DOP1A: variants seen among roughly 807,000 people sequenced by gnomAD.
DOP1A encodes the protein DOP1 leucine zipper like protein A.
DOP1A carries 90 observed loss-of-function variants against 267.6 expected under a neutral mutation model. The ratio of observed to expected loss-of-function variants is 0.34; its 90% CI spans 0.28 to 0.40. DOP1A has a LOEUF of 0.40. Ranked by LOEUF, DOP1A falls within the 10% of genes least tolerant of loss-of-function variation. DOP1A has a pLI of 1.00. For missense variants in DOP1A, 2,437 were observed against 2,900.4 expected, an observed-to-expected ratio of 0.84 and a Z score of 3.67; for synonymous variants, 932 against 999.1, an observed-to-expected ratio of 0.93 and a Z score of 1.27.
In DOP1A at chr6:83,156,039, A is replaced by G; in HGVS notation, c.6540A>G (p.Arg2180=). ...AACAGAGAGCTATGCTTCTTAAAAGATTAGCATTTGCTATTTTTAGCAGTG... is the reference window on the plus strand; with the variant it reads ...AACAGAGAGCTATGCTTCTTAAAAGGTTAGCATTTGCTATTTTTAGCAGTG... ...ELEQRAMLLK[R]LAFAIFSSEI... Residue 2180 remains arginine, a synonymous_variant, in exon 34 of 39, where the codon AGA becomes AGG. Transcript: ENST00000349129. 12 of 1,613,816 alleles carry G rather than the reference A, an allele frequency of 7.4e-6. No individual in the cohort carries two copies. The highest frequency in any genetic ancestry group is 1.0e-5 in the Non-Finnish European group (12 of 1,179,700).
chr6:83,078,592 A>G (rs986396524), intron 1 of DOP1A, among the ~76,000 whole-genome samples: 5 of 152,236 alleles, frequency 3.3e-5, no homozygotes, highest in Admixed American at 3.3e-4. Flanking sequence ...TGCTGTTGAC[A>G]GTAATGAAGG....
At chr6:83,136,906 T>TA (rs1233787507) in intron 20 of DOP1A, among the ~76,000 whole-genome samples, 1 of 152,062 alleles carries the variant, frequency 6.6e-6, no homozygotes, top group Admixed American at 6.6e-5. Context: ...GTATGCCCCC[T>TA]AAAAAATACA....
intron 38 of DOP1A, among the ~76,000 whole-genome samples, chr6:83,164,408 A>G (rs1301970474): frequency 1.3e-5 from 2 of 151,876 alleles, no homozygotes; most frequent in Non-Finnish European, 2.9e-5. Flanking sequence ...CCAGAAGCAA[A>G]TATGACCCCA....
rs1769104041 is a variant in DOP1A at position 83,085,819 on chromosome 6, TTA to T, written c.-146-10910_-146-10909del. 2.0e-5 allele frequency among the ~76,000 whole-genome samples: 3 copies of T among 150,118 alleles called. No individual in the cohort carries two copies. The South Asian group carries it at 6.2e-4, about 31-fold the overall frequency. ...TTATGTTATGTTATGTTATGTTATG[TTA>T]TGTTATGTTATGTTATTTTGAGACA... is the stretch of plus-strand genomic sequence containing the variant. On this transcript the variant is annotated intron_variant, in intron 1 of 38. Coordinates refer to ENST00000349129, the MANE Select transcript of DOP1A (RefSeq NM_015018.4).
intron 37 of DOP1A, 115 bp from the exon 38 acceptor site, chr6:83,162,675 G>A: frequency 5.0e-6 from 6 of 1,197,126 alleles, no homozygotes; most frequent in Non-Finnish European, 6.8e-6. Context: ...GGCACATCTG[G>A]CATTTGAATT....
chr6:83,164,107 C>T (rs1784869938), intron 38 of DOP1A, among the ~76,000 whole-genome samples: 1 of 146,952 alleles, frequency 6.8e-6, no homozygotes, highest in African/African-American at 2.5e-5. Context: ...ATCTAGTATG[C>T]AGTGTGTGCT....
At chr6:83,068,732 A>G (rs1461472291) in intron 1 of DOP1A, among the ~76,000 whole-genome samples, 1 of 152,244 alleles carries the variant, frequency 6.6e-6, no homozygotes, top group East Asian at 1.9e-4. Flanking sequence ...ACAGTGAATA[A>G]CATACGTCGG....
At chr6:83,157,125 A>C in intron 34 of DOP1A, 57 bp from the exon 35 acceptor site, 1 of 1,562,816 alleles carries the variant, frequency 6.4e-7, no homozygotes, top group Non-Finnish European at 8.7e-7. Flanking sequence ...GACAATATAG[A>C]AAGTTTTATG....
intron 4 of DOP1A, among the ~76,000 whole-genome samples, chr6:83,102,682 A>T (rs1185004315): frequency 6.6e-6 from 1 of 152,206 alleles, no homozygotes. Context: ...TCCACATAGT[A>T]CCAGTGTAAT....
Position 83,124,724 on chromosome 6 carries a change from C to T in DOP1A, c.1360C>T (p.Leu454Phe), listed in dbSNP as rs1281735394. Reference protein sequence around the residue: ...ECCRRTLHVRLQIGPGDSNDS... With the variant: ...ECCRRTLHVRFQIGPGDSNDS... Reference sequence around the variant, plus strand: ...TTTTAGGAGGACACTGCATGTGAGACTTCAGATTGGACCTGGAGATAGTAA... The same window carrying T: ...TTTTAGGAGGACACTGCATGTGAGATTTCAGATTGGACCTGGAGATAGTAA... The change falls in exon 13 of 39, where the codon CTT becomes TTT. Residue 454 changes from leucine (L) to phenylalanine (F), a missense_variant. Around this residue, in one of 9 missense-constraint regions of DOP1A, gnomAD observed 498 missense variants for 513.5 expected, o/e 0.97. Transcript: ENST00000349129. 1 of 1,612,882 alleles carries T rather than the reference C, an allele frequency of 6.2e-7. No homozygotes were observed. Among genetic ancestry groups the T allele is most frequent in the African/African-American group, 1.3e-5 (1 of 74,982 alleles).
chr6:83,118,680 C>T (rs1417106299), intron 7 of DOP1A, among the ~76,000 whole-genome samples: 1 of 152,072 alleles, frequency 6.6e-6, no homozygotes, highest in Non-Finnish European at 1.5e-5. Context: ...GTTATAGTTT[C>T]AGTTATGCAG....
chr6:83,148,117 G>C (rs1015073568), intron 26 of DOP1A, among the ~76,000 whole-genome samples: 3 of 152,068 alleles, frequency 2.0e-5, no homozygotes, highest in African/African-American at 7.2e-5. Flanking sequence ...AAAATTTCTA[G>C]ATTAAGAAAT....
intron 25 of DOP1A, 36 bp from the exon 26 acceptor site, chr6:83,147,200 C>A (rs1780771338): frequency 8.7e-7 from 1 of 1,155,576 alleles, no homozygotes; most frequent in South Asian, 1.6e-5. Flanking sequence ...AGGCAGTATT[C>A]TTCTTCACTA....
At chr6:83,072,795 A>G (rs2127973981) in intron 1 of DOP1A, among the ~76,000 whole-genome samples, 1 of 152,354 alleles carries the variant, frequency 6.6e-6, no homozygotes, top group Non-Finnish European at 1.5e-5. Flanking sequence ...TTTATCGAAT[A>G]TTCTACATAG....
chr6:83,095,986 G>A (rs1771417978), intron 1 of DOP1A, among the ~76,000 whole-genome samples: 1 of 152,082 alleles, frequency 6.6e-6, no homozygotes, highest in African/African-American at 2.4e-5. Context: ...TGACCTGTTG[G>A]CCGTTACACA....
At chr6:83,071,328 T>A (rs1166833598) in intron 1 of DOP1A, among the ~76,000 whole-genome samples, 1 of 152,078 alleles carries the variant, frequency 6.6e-6, no homozygotes, top group Admixed American at 6.6e-5. Flanking sequence ...TGCCTCAGCC[T>A]CCTGATTAGC....
chr6:83,140,268 A>T lies in DOP1A; in HGVS notation c.5280A>T (p.Gly1760=), dbSNP rs756116212. 1 of 1,613,554 alleles carries T rather than the reference A, an allele frequency of 6.2e-7. No homozygotes were observed. Among genetic ancestry groups the T allele is most frequent in the Non-Finnish European group, 8.5e-7 (1 of 1,179,856 alleles). Residue 1760 remains glycine, a synonymous_variant, in exon 23 of 39, where the codon GGA becomes GGT. Coordinates refer to ENST00000349129, the MANE Select transcript of DOP1A (RefSeq NM_015018.4). ...DQKHLFEARS[G]ILSILHMIMS... is the part of the protein sequence containing the mutation. Reference sequence around the variant, plus strand: ...AACACTTGTTTGAAGCACGCAGTGGAATCCTCTCAATCCTTCATATGATCA... The same window carrying T: ...AACACTTGTTTGAAGCACGCAGTGGTATCCTCTCAATCCTTCATATGATCA...
downstream of DOP1A, chr6:83,169,739 C>G (rs1012179782): frequency 4.4e-6 from 2 of 458,260 alleles, no homozygotes; most frequent in African/African-American, 4.0e-5. Flanking sequence ...CCTCCTGATT[C>G]CCTATTCAGC....
At chr6:83,074,779 A>G (rs1421567450) in intron 1 of DOP1A, among the ~76,000 whole-genome samples, 1 of 152,252 alleles carries the variant, frequency 6.6e-6, no homozygotes, top group African/African-American at 2.4e-5. Context: ...TGGTTAAGAT[A>G]GTAAATTTTG....
Sources: allele counts gnomAD v4.1 joint callset (sites outside exome capture counted in the v4.1 genomes callset), GRCh38; gene constraint gnomAD v4.1.1; regional missense constraint gnomAD v4.1.1; transcripts MANE v1.5; gene names NCBI Gene and HGNC (gene_info 2026-07-23, HGNC 2026-07-21).